KCND3: variants seen among roughly 807,000 people sequenced by gnomAD.
KCND3 encodes A-type voltage-gated potassium channel KCND3.
Under a neutral mutation model 51.1 loss-of-function variants are expected in KCND3, and 9 were observed. That is an observed-to-expected ratio of 0.18 (90% CI 0.11 to 0.31). The LOEUF (loss-of-function observed/expected upper bound fraction) is 0.31, where lower values mean the gene tolerates loss of function less well. KCND3 is among the 10% of genes least tolerant of loss of function. The pLI, the probability that KCND3 is intolerant of heterozygous loss-of-function variation, is 1.00. For missense variants in KCND3, 526 were observed against 903.8 expected (o/e 0.58, Z 5.36); for synonymous variants, 349 against 368.0 (o/e 0.95, Z 0.59).
chr1:111,805,588 T>C (rs1453816615), intron 2 of KCND3, among the ~76,000 whole-genome samples: 1 of 152,250 alleles, frequency 6.6e-6, no homozygotes, highest in African/African-American at 2.4e-5. Flanking sequence ...CCTAGGGGAA[T>C]GTAAGTCAAC....
chr1:111,937,099 G>C (rs2101875561), intron 2 of KCND3, among the ~76,000 whole-genome samples: 1 of 152,286 alleles, frequency 6.6e-6, no homozygotes, highest in South Asian at 2.1e-4. Flanking sequence ...CTGGGTGTGG[G>C]GAGAGGGAGT....
At chr1:111,964,500 C>A (rs543894525) in intron 2 of KCND3, among the ~76,000 whole-genome samples, 7 of 152,260 alleles carry the variant, frequency 4.6e-5, no homozygotes, top group African/African-American at 1.7e-4. Flanking sequence ...TAACCTCCTG[C>A]CTCAAGCAGC....
intron 2 of KCND3, among the ~76,000 whole-genome samples, chr1:111,884,056 G>A (rs1027588815): frequency 1.3e-5 from 2 of 152,184 alleles, no homozygotes; most frequent in African/African-American, 4.8e-5. Flanking sequence ...TCTTCAACAG[G>A]TGGGTCCATG....
intron 2 of KCND3, among the ~76,000 whole-genome samples, chr1:111,833,353 C>T (rs1021294176): frequency 3.3e-5 from 5 of 152,220 alleles, no homozygotes; most frequent in Admixed American, 6.5e-5. Context: ...ACCTTGCACT[C>T]GTTTTATCGG....
chr1:111,947,667 C>G (rs1267389426), intron 2 of KCND3, among the ~76,000 whole-genome samples: 1 of 152,170 alleles, frequency 6.6e-6, no homozygotes, highest in Non-Finnish European at 1.5e-5. Context: ...AACAAGAAGG[C>G]ATTTTCATTG....
At chr1:111,823,565 G>T (rs999297789) in intron 2 of KCND3, among the ~76,000 whole-genome samples, 1 of 152,132 alleles carries the variant, frequency 6.6e-6, no homozygotes, top group Admixed American at 6.5e-5. Context: ...AATCTGAAGA[G>T]CATTCTTCTT....
At chr1:111,851,421 A>C (rs901967620) in intron 2 of KCND3, among the ~76,000 whole-genome samples, 2 of 152,132 alleles carry the variant, frequency 1.3e-5, no homozygotes, top group South Asian at 2.1e-4. Flanking sequence ...CATCTTCTAA[A>C]AGCCAGCACA....
chr1:111,977,420 G>A (rs1376616424), intron 2 of KCND3, among the ~76,000 whole-genome samples: 5 of 152,126 alleles, frequency 3.3e-5, no homozygotes, highest in South Asian at 2.1e-4. Flanking sequence ...ACCTGGAGGC[G>A]GCTTCCTGCT....
intron 2 of KCND3, among the ~76,000 whole-genome samples, chr1:111,821,927 C>A: frequency 6.6e-6 from 1 of 152,080 alleles, no homozygotes; most frequent in East Asian, 1.9e-4. Context: ...CTACCCTGTC[C>A]CCCAGAACTG....
At chr1:111,872,602 G>GTT (rs61188403) in intron 2 of KCND3, among the ~76,000 whole-genome samples, 1 of 151,916 alleles carries the variant, frequency 6.6e-6, no homozygotes, top group African/African-American at 2.4e-5. Context: ...GAGAAAGAGT[G>GTT]TTTTTTTATG....
chr1:111,836,091 G>A (rs1667051622), intron 2 of KCND3, among the ~76,000 whole-genome samples: 1 of 152,158 alleles, frequency 6.6e-6, no homozygotes, highest in Non-Finnish European at 1.5e-5. Flanking sequence ...TGAAAATTTG[G>A]GCATAATGCA....
chr1:111,858,619 C>T (rs1668197609), intron 2 of KCND3, among the ~76,000 whole-genome samples: 1 of 152,166 alleles, frequency 6.6e-6, no homozygotes, highest in South Asian at 2.1e-4. Context: ...GTTGTGGGCC[C>T]TAAGCACAGT....
At chr1:111,914,633 GA>G (rs554145106) in intron 2 of KCND3, among the ~76,000 whole-genome samples, 1 of 151,966 alleles carries the variant, frequency 6.6e-6, no homozygotes, top group Non-Finnish European at 1.5e-5. Flanking sequence ...TACTGAAAAG[GA>G]AAAAAACCTG....
intron 2 of KCND3, 100 bp from the exon 3 acceptor site, chr1:111,787,206 T>C (rs1664640549): frequency 1.3e-5 from 16 of 1,249,768 alleles, no homozygotes; most frequent in Non-Finnish European, 1.9e-5. Context: ...CATTCATTCA[T>C]TCAGCAATTG....
At chr1:111,912,819 C>A (rs546075010) in intron 2 of KCND3, among the ~76,000 whole-genome samples, 1 of 152,028 alleles carries the variant, frequency 6.6e-6, no homozygotes, top group African/African-American at 2.4e-5. Context: ...TTTTTTATAA[C>A]GGTACAACGT....
chr1:111,970,687 C>T (rs1233085324), intron 2 of KCND3, among the ~76,000 whole-genome samples: 1 of 152,212 alleles, frequency 6.6e-6, no homozygotes, highest in African/African-American at 2.4e-5. Context: ...GGACCTCAGT[C>T]TAAACCCAGT....
chr1:111,968,032 C>G (rs1674101582), intron 2 of KCND3, among the ~76,000 whole-genome samples: 1 of 152,198 alleles, frequency 6.6e-6, no homozygotes, highest in Non-Finnish European at 1.5e-5. Context: ...GCCTCTGCTC[C>G]TCGGATGAGA....
chr1:111,914,795 A>C (rs1049283537), intron 2 of KCND3, among the ~76,000 whole-genome samples: 3 of 151,546 alleles, frequency 2.0e-5, no homozygotes, highest in African/African-American at 7.3e-5. Flanking sequence ...GGAAAATGAT[A>C]CTAGATATAA....
At chr1:111,823,697 C>G (rs1203481547) in intron 2 of KCND3, among the ~76,000 whole-genome samples, 1 of 152,154 alleles carries the variant, frequency 6.6e-6, no homozygotes, top group Non-Finnish European at 1.5e-5. Flanking sequence ...GTCCTCATGG[C>G]AACCCTCAGA....
Sources: gnomAD v4.1 joint callset for allele counts (sites outside exome capture counted in the v4.1 genomes callset) on GRCh38, gnomAD v4.1.1 for gene constraint, MANE v1.5 for transcripts, NCBI Gene and HGNC (gene_info 2026-07-23, HGNC 2026-07-21) for gene names.